Variants in ARHGAP1 observed in about 807,000 individuals in gnomAD.
The protein encoded by ARHGAP1 is Rho GTPase activating protein 1.
In ARHGAP1, 23 loss-of-function variants were observed where a neutral mutation model predicts 52.2. That is an observed-to-expected ratio of 0.44 (90% CI 0.32 to 0.62). The LOEUF (loss-of-function observed/expected upper bound fraction) is 0.62, where lower values mean the gene tolerates loss of function less well. ARHGAP1 is among the 20% of genes least tolerant of loss of function. The pLI is 0.05. For synonymous variants in ARHGAP1, 210 were observed against 228.4 expected (o/e 0.92, Z 0.73); for missense variants, 480 against 560.9 (o/e 0.86, Z 1.46).
chr11:46,698,450 A>G (rs1389229989), intron 1 of ARHGAP1, among the ~76,000 whole-genome samples: 1 of 151,736 alleles, frequency 6.6e-6, no homozygotes, highest in African/African-American at 2.4e-5. Flanking sequence ...AAAAGTACAA[A>G]AAAAAAAAAT....
At chr11:46,700,055 A>C (rs4491174) in intron 1 of ARHGAP1, among the ~76,000 whole-genome samples, 21,452 of 152,080 alleles carry the variant, frequency 0.14, 2,437 homozygotes, top group East Asian at 0.58. Context: ...CTGTAATCCC[A>C]GCTACTCAGG....
chr11:46,690,338 G>C (rs2064602569), intron 3 of ARHGAP1, among the ~76,000 whole-genome samples: 1 of 151,102 alleles, frequency 6.6e-6, no homozygotes, highest in South Asian at 2.1e-4. Context: ...AGTGAGCCGA[G>C]ATCGCCCCAC....
intron 3 of ARHGAP1, among the ~76,000 whole-genome samples, chr11:46,694,540 G>A (rs1247935149): frequency 6.6e-6 from 1 of 152,048 alleles, no homozygotes; most frequent in South Asian, 2.1e-4. Flanking sequence ...AGGTGGGGAG[G>A]GGCAGGCTCC....
chr11:46,679,187 A>T lies in ARHGAP1; in HGVS notation c.1170T>A (p.Thr390=). 1 of 1,611,772 alleles carries T rather than the reference A, an allele frequency of 6.2e-7. No homozygotes were observed. Among genetic ancestry groups the T allele is most frequent in the East Asian group, 2.2e-5 (1 of 44,866 alleles). Residue 390 remains threonine (T), a synonymous_variant, in exon 13 of 13, where the codon ACT becomes ACA. Coordinates refer to ENST00000311956, the MANE Select transcript of ARHGAP1 (RefSeq NM_004308.5). The surrounding 1 kb of genome is among the most constrained non-coding windows in gnomAD (Gnocchi z 4.4). ...TAGGGCCGAAAACAACAGCCAGGTT[A>T]GTGTTGGTCATCTTGTTCTGGTCAC... ...AHSDQNKMTN[T]NLAVVFGPNL... is the part of the protein sequence containing the mutation.
In ARHGAP1 at chr11:46,681,251, C is replaced by T; in HGVS notation, c.536+42G>A. 1 of 1,579,408 alleles carries T rather than the reference C, an allele frequency of 6.3e-7. No individual in the cohort carries two copies. Among genetic ancestry groups the T allele is most frequent in the Non-Finnish European group, 8.7e-7 (1 of 1,148,540 alleles). ...TGCCCAGCCTCCCAGCTTCAGAGTT[C>T]CAGGCAAGCCGGGACCACCAGCCCT... On this transcript the variant is annotated intron_variant, in intron 6 of 12. Coordinates refer to ENST00000311956, the MANE Select transcript of ARHGAP1 (RefSeq NM_004308.5). The surrounding 1 kb of genome is among the most constrained non-coding windows in gnomAD (Gnocchi z 5.7).
chr11:46,695,971 C>T lies in ARHGAP1; in HGVS notation c.133+4G>A, dbSNP rs142768965. ...TAGCTGCCTGAGACCAGACACAAGCCCACCTGACTTGGGGAAGTCAGGCAT... is the reference window on the plus strand; with the variant it reads ...TAGCTGCCTGAGACCAGACACAAGCTCACCTGACTTGGGGAAGTCAGGCAT... On this transcript the variant is annotated splice_donor_region_variant and intron_variant, in intron 2 of 12. Coordinates refer to ENST00000311956, the MANE Select transcript of ARHGAP1 (RefSeq NM_004308.5). 2 of 1,614,222 alleles carry T rather than the reference C, an allele frequency of 1.2e-6. No individual in the cohort carries two copies. The highest frequency in any genetic ancestry group is 4.5e-5 in the East Asian group (2 of 44,880).
intron 1 of ARHGAP1, among the ~76,000 whole-genome samples, chr11:46,698,949 T>A (rs1236001963): frequency 6.6e-6 from 1 of 152,134 alleles, no homozygotes; most frequent in African/African-American, 2.4e-5. Context: ...AAATGAAGTA[T>A]CCTGCCTGTT....
intron 4 of ARHGAP1, chr11:46,686,904 C>T (rs1305360288): frequency 6.6e-6 from 1 of 152,266 alleles, no homozygotes; most frequent in African/African-American, 2.4e-5. Context: ...AAGCACCCCA[C>T]TGCCCTCAGC....
At position 46,699,647 on chromosome 11, in the gene ARHGAP1, G is replaced by A. The variant is rs931735440; in HGVS notation, c.-50+904C>T. Among the ~76,000 whole-genome samples the A allele has an allele frequency of 2.6e-5, 4 of 151,582 alleles. No homozygotes were observed. The South Asian group carries it at 8.3e-4, about 32-fold the overall frequency. ...GAACCCGGGAGGCGGAGGTTGCAGT[G>A]AGCCGAGATCACGCCACTGCACTCC... is the stretch of plus-strand genomic sequence containing the variant. On this transcript the variant is annotated intron_variant, in intron 1 of 12. Transcript: ENST00000311956.
intron 3 of ARHGAP1, among the ~76,000 whole-genome samples, chr11:46,693,476 G>A (rs2064630031): frequency 6.6e-6 from 1 of 151,118 alleles, no homozygotes; most frequent in Non-Finnish European, 1.5e-5. Flanking sequence ...TTCAATCATA[G>A]CTCACTGCAG....
Position 46,679,305 on chromosome 11 carries a change from G to A in ARHGAP1, c.1131+60C>T, listed in dbSNP as rs537182010. On this transcript the variant is annotated intron_variant, in intron 12 of 12. Coordinates refer to ENST00000311956, the MANE Select transcript of ARHGAP1 (RefSeq NM_004308.5). The surrounding 1 kb of genome is among the most constrained non-coding windows in gnomAD (Gnocchi z 4.4). ...CCAGCAACAATGACCAGGGCGCAGA[G>A]GAGGCGGCAGCTCCTCCTTCCCCCT... 3.8e-4 allele frequency: 605 copies of A among 1,605,860 alleles called. 3 individuals carry two copies. In the African/African-American group the frequency reaches 7.0e-3, roughly 19 times the overall value.
chr11:46,680,233 G>T lies in ARHGAP1; in HGVS notation c.870C>A (p.Val290=). 1 of 1,614,084 alleles carries T rather than the reference G, an allele frequency of 6.2e-7. No individual in the cohort carries two copies. Among genetic ancestry groups the T allele is most frequent in the Non-Finnish European group, 8.5e-7 (1 of 1,180,024 alleles). The change falls in exon 10 of 13, where the codon GTC becomes GTA. Residue 290 remains valine (V), a synonymous_variant. Transcript: ENST00000311956. The surrounding 1 kb of genome is among the most constrained non-coding windows in gnomAD (Gnocchi z 5.9). ...TGTTGTACTTCTGCTGCACTTCCCG[G>T]ACCACTTGGGTGTTGGCCGACCTCC... ...IFRRSANTQV[V]REVQQKYNMG...
intron 3 of ARHGAP1, 46 bp downstream of exon 3, chr11:46,695,614 G>A: frequency 6.5e-7 from 1 of 1,532,786 alleles, no homozygotes; most frequent in Non-Finnish European, 8.9e-7. Context: ...GACTTCCTGA[G>A]GCCAGGAGCT....
chr11:46,682,257 G>A (rs1718792756), intron 4 of ARHGAP1, 75 bp from the exon 5 acceptor site: 1 of 1,583,172 alleles, frequency 6.3e-7, no homozygotes, highest in Non-Finnish European at 8.6e-7. Flanking sequence ...GCAGCCCCAA[G>A]AGTCTCCCAC....
chr11:46,679,297 G>A lies in ARHGAP1; in HGVS notation c.1131+68C>T, dbSNP rs1399172516. The A allele has an allele frequency of 1.2e-6, 2 of 1,602,644 alleles. No individual in the cohort carries two copies. Among genetic ancestry groups the A allele is most frequent in the Non-Finnish European group, 1.7e-6 (2 of 1,171,770 alleles). On this transcript the variant is annotated intron_variant, in intron 12 of 12. Transcript: ENST00000311956. The surrounding 1 kb of genome is among the most constrained non-coding windows in gnomAD (Gnocchi z 4.4). The stretch of plus-strand genomic sequence containing the variant: ...TCCCACTCCCAGCAACAATGACCAG[G>A]GCGCAGAGGAGGCGGCAGCTCCTCC...
chr11:46,684,826 G>A (rs1433290976), intron 4 of ARHGAP1, among the ~76,000 whole-genome samples: 2 of 152,050 alleles, frequency 1.3e-5, no homozygotes, highest in Admixed American at 6.5e-5. Flanking sequence ...GGTGCCTCAC[G>A]CCTGTAATCC....
At chr11:46,691,826 G>A (rs974863480) in intron 3 of ARHGAP1, among the ~76,000 whole-genome samples, 14 of 152,308 alleles carry the variant, frequency 9.2e-5, no homozygotes, top group African/African-American at 3.1e-4. Context: ...GACCTCAGAT[G>A]ATCTGCACGC....
At chr11:46,698,843 C>T (rs149104571) in intron 1 of ARHGAP1, among the ~76,000 whole-genome samples, 76 of 152,176 alleles carry the variant, frequency 5.0e-4, no homozygotes, top group African/African-American at 1.7e-3. Context: ...CCACTACCCC[C>T]AACCCACAGT....
intron 1 of ARHGAP1, among the ~76,000 whole-genome samples, chr11:46,699,713 A>AT (rs1201327579): frequency 1.3e-5 from 2 of 151,824 alleles, no homozygotes; most frequent in Non-Finnish European, 1.5e-5. Context: ...AAAAAAAAAA[A>AT]AGAAAAGAAA....
Sources: allele counts gnomAD v4.1 joint callset (sites outside exome capture counted in the v4.1 genomes callset), GRCh38; gene constraint gnomAD v4.1.1; non-coding constraint Gnocchi (gnomAD v3.1); transcripts MANE v1.5; gene names NCBI Gene and HGNC (gene_info 2026-07-23, HGNC 2026-07-21).